The following VPS41 variants were observed in gnomAD, a reference collection of about 807,000 sequenced individuals.
VPS41 encodes vacuolar protein sorting-associated protein 41 homolog.
A neutral mutation model predicts 130.9 loss-of-function variants in VPS41; 85 were observed. The ratio of observed to expected loss-of-function variants is 0.65; its 90% confidence interval spans 0.55 to 0.78. The LOEUF is 0.78. VPS41 is among the 30% of genes least tolerant of loss of function. The pLI is 0.00. For synonymous variants in VPS41, 335 were observed against 332.9 expected (o/e 1.01, Z -0.07); for missense variants, 874 against 1,018.7 (o/e 0.86, Z 1.93).
chr7:38,880,058 A>G (rs963034840), intron 2 of VPS41, among the ~76,000 whole-genome samples: 2 of 152,224 alleles, frequency 1.3e-5, no homozygotes, highest in African/African-American at 4.8e-5. Flanking sequence ...GCCTTTTGTG[A>G]AAAGGAAATG....
intron 7 of VPS41, among the ~76,000 whole-genome samples, chr7:38,799,007 G>A (rs983124482): frequency 2.0e-5 from 3 of 152,124 alleles, no homozygotes; most frequent in African/African-American, 7.2e-5. Flanking sequence ...TACACTCAGT[G>A]TAATGGGGCA....
chr7:38,855,136 G>A (rs2116281055), intron 4 of VPS41, among the ~76,000 whole-genome samples: 1 of 151,324 alleles, frequency 6.6e-6, no homozygotes, highest in South Asian at 2.1e-4. Context: ...CTTGAACCTG[G>A]GCGGCGGAGG....
In VPS41 at chr7:38,765,920, T is replaced by C. The variant is rs147174161; in HGVS notation, c.1248-259A>G. Among the ~76,000 whole-genome samples the C allele has an allele frequency of 7.2e-3, 1,093 of 152,306 alleles. 8 individuals carry two copies. The highest frequency in any genetic ancestry group is 0.013 in the Non-Finnish European group (869 of 68,016). On this transcript the variant is annotated intron_variant, in intron 15 of 28. Coordinates refer to ENST00000310301, the MANE Select transcript of VPS41 (RefSeq NM_014396.4). ...AAAGATGAATCACTTCAGAAGACTA[T>C]AACTAGGGGCTTTCCCAACTATCTG...
chr7:38,803,238 T>C lies in VPS41; in HGVS notation c.451-6374A>G, dbSNP rs552648340. Among the ~76,000 whole-genome samples the C allele has an allele frequency of 8.5e-5, 13 of 152,302 alleles. No homozygotes were observed. The East Asian group carries it at 2.5e-3, about 29-fold the overall frequency. On this transcript the variant is annotated intron_variant, in intron 7 of 28. Transcript: ENST00000310301. ...CCCGATTCTGGTCACCTAACGCCCA[T>C]CATTACTTGTCACTCACTCTTCCCT...
intron 22 of VPS41, among the ~76,000 whole-genome samples, chr7:38,747,633 T>C (rs1186826594): frequency 6.6e-6 from 1 of 152,246 alleles, no homozygotes; most frequent in African/African-American, 2.4e-5. Context: ...GTTTGCAGTT[T>C]GAAGCCTCAC....
At chr7:38,856,765 T>G (rs1280854079) in intron 4 of VPS41, among the ~76,000 whole-genome samples, 1 of 152,088 alleles carries the variant, frequency 6.6e-6, no homozygotes, top group Non-Finnish European at 1.5e-5. Context: ...AGGAAACACC[T>G]CAGGGCTACA....
At position 38,724,199 on chromosome 7, in the gene VPS41, T is replaced by A. The variant is rs1795491765; in HGVS notation, c.*2047A>T. 1 of 152,230 alleles carries A rather than the reference T, an allele frequency of 6.6e-6. No individual in the cohort carries two copies. The highest frequency in any genetic ancestry group is 2.4e-5 in the African/African-American group (1 of 41,458). The allele number at this position is 152,230 out of a possible 1,614,324, so 9.4% of individuals were successfully genotyped here. A position where few individuals can be genotyped will look rare whatever the true frequency, so the allele number is the denominator to read the frequency against. On this transcript the variant is annotated 3_prime_UTR_variant, in exon 29 of 29. Coordinates refer to ENST00000310301, the MANE Select transcript of VPS41 (RefSeq NM_014396.4). ...AAATAGGACTTGGTAACTAGGATAA[T>A]TTACCCCTGAAGCAAAATGACTTCA...
At chr7:38,756,529 G>A (rs1291404105) in intron 19 of VPS41, among the ~76,000 whole-genome samples, 1 of 151,908 alleles carries the variant, frequency 6.6e-6, no homozygotes, top group Non-Finnish European at 1.5e-5. Context: ...GTATATACGT[G>A]GTTTGTTTCT....
Position 38,758,429 on chromosome 7 carries a change from A to G in VPS41, c.1475T>C (p.Val492Ala). The stretch of plus-strand genomic sequence containing the variant: ...ATGATCCCGAACTGCTTGAACTATG[A>G]CTGAATTATTATACAGATCTCCAGG... ...EWPGDLYNNS[V>A]IVQAVRDHLK... Residue 492 changes from valine to alanine, a missense_variant, in exon 18 of 29, where the codon GTC becomes GCC. Val to Ala is a moderately conservative substitution (Grantham distance 64). Coordinates refer to ENST00000310301, the MANE Select transcript of VPS41 (RefSeq NM_014396.4). The G allele has an allele frequency of 6.2e-7, 1 of 1,613,462 alleles. No individual in the cohort carries two copies. The highest frequency in any genetic ancestry group is 8.5e-7 in the Non-Finnish European group (1 of 1,179,604).
chr7:38,728,485 G>T, intron 27 of VPS41, 57 bp downstream of exon 27: 1 of 1,592,954 alleles, frequency 6.3e-7, no homozygotes, highest in South Asian at 1.1e-5. Flanking sequence ...CCAAAATTTT[G>T]ATTCCACTCA....
chr7:38,879,032 T>C (rs934059931), intron 2 of VPS41, among the ~76,000 whole-genome samples: 4 of 152,230 alleles, frequency 2.6e-5, no homozygotes, highest in Admixed American at 1.3e-4. Context: ...GAACAAAACA[T>C]GGCTTCTGCC....
chr7:38,873,285 G>T (rs1454037040), intron 2 of VPS41, among the ~76,000 whole-genome samples: 9 of 148,406 alleles, frequency 6.1e-5, no homozygotes, highest in Non-Finnish European at 1.3e-4. Flanking sequence ...ATTTTTTAAG[G>T]TTTTTTTTTT....
intron 1 of VPS41, among the ~76,000 whole-genome samples, chr7:38,906,111 T>G (rs1431984307): frequency 1.3e-5 from 2 of 152,044 alleles, no homozygotes; most frequent in Middle Eastern, 3.2e-3. Context: ...TTCTCCATTT[T>G]TATACACTTT....
At chr7:38,770,726 G>A (rs1315840298) in intron 14 of VPS41, among the ~76,000 whole-genome samples, 2 of 152,164 alleles carry the variant, frequency 1.3e-5, no homozygotes, top group Non-Finnish European at 2.9e-5. Flanking sequence ...AGTTAACAAG[G>A]AAAGGGGCTT....
At chr7:38,736,588 C>A (rs1206525141) in intron 25 of VPS41, among the ~76,000 whole-genome samples, 1 of 152,218 alleles carries the variant, frequency 6.6e-6, no homozygotes, top group African/African-American at 2.4e-5. Context: ...ACTGCCAGTA[C>A]AATGAATGCA....
At chr7:38,741,676 C>T (rs1795882923) in intron 25 of VPS41, among the ~76,000 whole-genome samples, 1 of 152,130 alleles carries the variant, frequency 6.6e-6, no homozygotes, top group South Asian at 2.1e-4. Flanking sequence ...CTTTCATACT[C>T]GCCTCGATTC....
chr7:38,764,676 T>C (rs1397593680), intron 16 of VPS41, among the ~76,000 whole-genome samples: 1 of 152,074 alleles, frequency 6.6e-6, no homozygotes, highest in Admixed American at 6.6e-5. Context: ...GTGTAACATG[T>C]TCTAATCAAG....
intron 11 of VPS41, among the ~76,000 whole-genome samples, chr7:38,774,998 A>G (rs59847448): frequency 0.049 from 7,467 of 152,292 alleles, 623 homozygotes; most frequent in African/African-American, 0.17. Context: ...AATGCCCATG[A>G]AAACAGGGCA....
intron 25 of VPS41, among the ~76,000 whole-genome samples, chr7:38,729,714 G>A (rs1795619491): frequency 6.6e-6 from 1 of 152,098 alleles, no homozygotes; most frequent in Admixed American, 6.5e-5. Context: ...TACCAATGTT[G>A]TATTTCAGAA....
Sources: gnomAD v4.1 joint callset for allele counts (sites outside exome capture counted in the v4.1 genomes callset) on GRCh38, gnomAD v4.1.1 for gene constraint, MANE v1.5 for transcripts, NCBI Gene and HGNC (gene_info 2026-07-23, HGNC 2026-07-21) for gene names.